Variants in TMC5 observed in about 807,000 individuals in gnomAD.
TMC5 encodes transmembrane channel-like protein 5.
TMC5 carries 86 observed loss-of-function variants against 110.5 expected under a neutral mutation model. The ratio of observed to expected loss-of-function variants is 0.78; its 90% CI spans 0.65 to 0.93. The LOEUF is 0.93. TMC5 is among the 40% of genes least tolerant of loss of function. The pLI is 0.00. For missense variants in TMC5, 1,144 were observed against 1,222.8 expected, an observed-to-expected ratio of 0.94 and a Z score of 0.96; for synonymous variants, 455 against 439.5, an observed-to-expected ratio of 1.04 and a Z score of -0.44.
At chr16:19,420,951 G>A (rs990017416) in intron 1 of TMC5, among the ~76,000 whole-genome samples, 1 of 152,096 alleles carries the variant, frequency 6.6e-6, no homozygotes, top group Non-Finnish European at 1.5e-5. Flanking sequence ...TAAATTACAC[G>A]ATCAGAGGAA....
intron 1 of TMC5, among the ~76,000 whole-genome samples, chr16:19,427,878 G>A (rs1967118596): frequency 6.6e-6 from 1 of 152,092 alleles, no homozygotes; most frequent in African/African-American, 2.4e-5. Context: ...TAGAATGAAA[G>A]CCAGCCGCAC....
At chr16:19,412,604 T>G (rs1449038503) in intron 1 of TMC5, among the ~76,000 whole-genome samples, 4 of 150,768 alleles carry the variant, frequency 2.7e-5, no homozygotes, top group Non-Finnish European at 4.4e-5. Flanking sequence ...CTGACCTCAG[T>G]TGATCCACTC....
intron 2 of TMC5, among the ~76,000 whole-genome samples, chr16:19,431,478 G>T (rs370211626): frequency 5.9e-4 from 90 of 151,838 alleles, no homozygotes; most frequent in African/African-American, 2.1e-3. Context: ...GGAGGCGGAG[G>T]TTGCTGTGAG....
intron 5 of TMC5, among the ~76,000 whole-genome samples, chr16:19,457,709 CTTTTTTTTTTT>C (rs573979829): frequency 7.7e-3 from 340 of 43,904 alleles, no homozygotes; most frequent in African/African-American, 0.016. Flanking sequence ...AGACTACATT[CTTTTTTTTTTT>C]TTTTTTTTTT....
At chr16:19,490,641 G>T (rs1258715987) in intron 18 of TMC5, 73 bp downstream of exon 18, 1 of 1,501,456 alleles carries the variant, frequency 6.7e-7, no homozygotes, top group Non-Finnish European at 9.2e-7. Flanking sequence ...AGGGATGTTT[G>T]GTTGGAAAGC....
chr16:19,449,430 C>G (rs1248639500), intron 4 of TMC5, 112 bp from the exon 5 acceptor site: 3 of 870,586 alleles, frequency 3.4e-6, no homozygotes, highest in Non-Finnish European at 5.7e-6. Context: ...AAGACCAGGT[C>G]TCAGTCTTAT....
intron 6 of TMC5, chr16:19,462,422 C>A: frequency 3.0e-6 from 2 of 676,978 alleles, no homozygotes; most frequent in South Asian, 3.2e-5. Context: ...TTAGTCTGCT[C>A]TCACTCTGCT....
chr16:19,461,204 G>A (rs371595942), intron 6 of TMC5, among the ~76,000 whole-genome samples: 15 of 152,216 alleles, frequency 9.9e-5, no homozygotes, highest in African/African-American at 3.6e-4. Flanking sequence ...ACTAGCGAGT[G>A]GTATATGGAA....
At chr16:19,422,280 A>T (rs1342761717) in intron 1 of TMC5, among the ~76,000 whole-genome samples, 2 of 151,832 alleles carry the variant, frequency 1.3e-5, no homozygotes, top group Non-Finnish European at 2.9e-5. Context: ...TATGACTCAA[A>T]GATATTTAAA....
intron 19 of TMC5, among the ~76,000 whole-genome samples, chr16:19,492,718 C>T (rs1679330164): frequency 6.6e-6 from 1 of 150,836 alleles, no homozygotes; most frequent in South Asian, 2.1e-4. Flanking sequence ...GGGATTACAG[C>T]CATCACACCC....
intron 10 of TMC5, among the ~76,000 whole-genome samples, chr16:19,471,150 G>A (rs1195837611): frequency 1.3e-5 from 2 of 152,040 alleles, no homozygotes; most frequent in Admixed American, 6.6e-5. Flanking sequence ...GTGCAGTGGT[G>A]CAATCATAAT....
intron 6 of TMC5, among the ~76,000 whole-genome samples, chr16:19,461,619 C>T (rs1968025133): frequency 6.6e-6 from 1 of 151,920 alleles, no homozygotes; most frequent in Non-Finnish European, 1.5e-5. Flanking sequence ...TACATAAAGA[C>T]CTTAGGAGTT....
At chr16:19,465,630 C>T (rs1380693128) in intron 8 of TMC5, among the ~76,000 whole-genome samples, 1 of 152,182 alleles carries the variant, frequency 6.6e-6, no homozygotes, top group African/African-American at 2.4e-5. Context: ...TAGATTCCAA[C>T]ATCCTACCTT....
At chr16:19,456,382 T>G in intron 5 of TMC5, 1 of 885,660 alleles carries the variant, frequency 1.1e-6, no homozygotes, top group Non-Finnish European at 1.4e-6. Flanking sequence ...AATATCTTCC[T>G]TCTGTTTCTA....
intron 1 of TMC5, among the ~76,000 whole-genome samples, chr16:19,427,744 C>T (rs1285904120): frequency 6.6e-6 from 1 of 151,934 alleles, no homozygotes; most frequent in East Asian, 1.9e-4. Flanking sequence ...GTCACACCCC[C>T]TGCTACAGTT....
rs1017050997 is a variant in TMC5, at chr16:19,441,916, A to G, written c.788+1090A>G. ...CCTCCCGGGTTCAAGCGATTCTCCTACCTCAGTCTCCTGAGTAGCTGGGAT... is the reference window on the plus strand; with the variant it reads ...CCTCCCGGGTTCAAGCGATTCTCCTGCCTCAGTCTCCTGAGTAGCTGGGAT... On this transcript the variant is annotated intron_variant, in intron 3 of 21. Transcript: ENST00000542583. Among the ~76,000 whole-genome samples, 14 of 152,062 alleles carry G rather than the reference A, an allele frequency of 9.2e-5. No homozygotes were observed. In the East Asian group the frequency reaches 2.7e-3, roughly 30 times the overall value.
chr16:19,469,366 A>G (rs546622946), intron 9 of TMC5, among the ~76,000 whole-genome samples: 2 of 152,232 alleles, frequency 1.3e-5, no homozygotes, highest in East Asian at 3.9e-4. Flanking sequence ...AAAAAAAAAA[A>G]AAAATTCTGT....
At position 19,440,035 on chromosome 16, in the gene TMC5, C is replaced by T. The variant is rs1161512594; in HGVS notation, c.-4C>T. On this transcript the variant is annotated 5_prime_UTR_variant, in exon 3 of 22. Transcript: ENST00000542583. Reference sequence around the variant, plus strand: ...CCACTCCAGGGTGAAGAGTCCATACCAACATGTCTGCCTACTACAGGAATA... The same window carrying T: ...CCACTCCAGGGTGAAGAGTCCATACTAACATGTCTGCCTACTACAGGAATA... 6.2e-7 allele frequency: 1 copy of T among 1,610,124 alleles called. No individual in the cohort carries two copies. Among genetic ancestry groups the T allele is most frequent in the Non-Finnish European group, 8.5e-7 (1 of 1,177,792 alleles).
intron 15 of TMC5, among the ~76,000 whole-genome samples, chr16:19,483,185 TCTCA>T (rs1968658612): frequency 6.6e-6 from 1 of 152,134 alleles, no homozygotes; most frequent in African/African-American, 2.4e-5. Flanking sequence ...TGAGACAGGG[TCTCA>T]CTCTGTTGCT....
Sources: allele counts gnomAD v4.1 joint callset (sites outside exome capture counted in the v4.1 genomes callset), GRCh38; gene constraint gnomAD v4.1.1; transcripts MANE v1.5; gene names NCBI Gene and HGNC (gene_info 2026-07-23, HGNC 2026-07-21).